CFTR: variants seen among roughly 807,000 people sequenced by gnomAD.
The protein encoded by CFTR is CF transmembrane conductance regulator.
Under a neutral mutation model 171.6 loss-of-function variants are expected in CFTR, and 181 were observed. The observed-to-expected ratio is 1.05, with a 90% CI of 0.93 to 1.19. The LOEUF is 1.19. Ranked by LOEUF, CFTR falls within the 50% of genes most tolerant of loss-of-function variation. The pLI is 0.00. For missense variants in CFTR, 1,968 were observed against 1,734.7 expected (o/e 1.13, Z -2.39); for synonymous variants, 583 against 608.0 (o/e 0.96, Z 0.60).
chr7:117,625,738 A>G (rs1348807460), intron 21 of CFTR, among the ~76,000 whole-genome samples: 1 of 152,176 alleles, frequency 6.6e-6, no homozygotes, highest in African/African-American at 2.4e-5. Context: ...GATAAATACA[A>G]TAAGATATTT....
chr7:117,589,497 A>G lies in CFTR; in HGVS notation c.1680-856A>G, dbSNP rs1156318245. On this transcript the variant is annotated intron_variant, in intron 12 of 26. Transcript: ENST00000003084. ...TAAGGTTACTATCAATCACACCTGA[A>G]AAATTTAAATGTTATGAAGAAATTA... 3.3e-5 allele frequency among the ~76,000 whole-genome samples: 5 copies of G among 152,166 alleles called. No individual in the cohort carries two copies. The East Asian group carries it at 9.6e-4, about 29-fold the overall frequency.
Position 117,644,376 on chromosome 7 carries a change from A to T in CFTR, c.3873+1783A>T, listed in dbSNP as rs565565411. ...CTTTTATTTTCCTAACTTTTCTTTG[A>T]AAGTTCAAATTAAGTAATTTTATCC... On this transcript the variant is annotated intron_variant, in intron 23 of 26. Coordinates refer to ENST00000003084, the MANE Select transcript of CFTR (RefSeq NM_000492.4). 5.3e-4 allele frequency among the ~76,000 whole-genome samples: 81 copies of T among 152,218 alleles called. 3 individuals are homozygous for T. The South Asian group carries it at 0.016, about 30-fold the overall frequency.
chr7:117,581,913 A>T (rs948388108), intron 11 of CFTR, among the ~76,000 whole-genome samples: 6 of 151,770 alleles, frequency 4.0e-5, no homozygotes, highest in Non-Finnish European at 8.8e-5. Context: ...GTGCCACCAT[A>T]CCTGGCTAAA....
rs1379518832 is a variant in CFTR at position 117,592,472 on chromosome 7, G to A, written c.2305G>A (p.Val769Ile). The change falls in exon 14 of 27, where the codon GTC (valine) becomes ATC (isoleucine). Residue 769 changes from valine to isoleucine, a missense_variant. Val to Ile is a conservative substitution (Grantham distance 29). Transcript: ENST00000003084. ...PTLQARRRQS[V>I]LNLMTHSVNQ... ...GCTTCAGGCACGAAGGAGGCAGTCT[G>A]TCCTGAACCTGATGACACACTCAGT... is the stretch of plus-strand genomic sequence containing the variant. 8.9e-6 allele frequency: 14 copies of A among 1,564,638 alleles called. No homozygotes were observed. Among genetic ancestry groups the A allele is most frequent in the Non-Finnish European group, 1.2e-5 (14 of 1,157,402 alleles).
chr7:117,603,415 C>A, intron 16 of CFTR, 117 bp from the exon 17 acceptor site: 1 of 1,113,712 alleles, frequency 9.0e-7, no homozygotes, highest in Non-Finnish European at 1.3e-6. Context: ...AGGGTGCATG[C>A]TCTTCTAATG....
chr7:117,491,241 A>C (rs966340994), intron 1 of CFTR, among the ~76,000 whole-genome samples: 1 of 152,190 alleles, frequency 6.6e-6, no homozygotes, highest in Non-Finnish European at 1.5e-5. Flanking sequence ...TAGTGATCTC[A>C]TGGGACCACC....
At chr7:117,622,874 T>A (rs569962248) in intron 21 of CFTR, among the ~76,000 whole-genome samples, 12 of 152,262 alleles carry the variant, frequency 7.9e-5, no homozygotes, top group Non-Finnish European at 1.3e-4. Context: ...ATGCATCCCT[T>A]ATAAAGTAAG....
In CFTR at chr7:117,620,096, T is replaced by TAATG. The variant is rs1792551905; in HGVS notation, c.3468+5384_3468+5387dup. ...TCAATTTTTTTTTTTGGTCTCCTTT[T>TAATG]AATGGTTTCTTGATCATGTCTATCC... is the stretch of plus-strand genomic sequence containing the variant. On this transcript the variant is annotated intron_variant, in intron 21 of 26. Transcript: ENST00000003084. Among the ~76,000 whole-genome samples the TAATG allele has an allele frequency of 2.0e-5, 3 of 152,232 alleles. No individual in the cohort carries two copies. The South Asian group carries it at 6.2e-4, about 32-fold the overall frequency.
chr7:117,586,607 G>C (rs1791937479), intron 11 of CFTR, among the ~76,000 whole-genome samples: 1 of 152,074 alleles, frequency 6.6e-6, no homozygotes, highest in Non-Finnish European at 1.5e-5. Context: ...TGGAACAAAT[G>C]AATAACAGAA....
intron 3 of CFTR, among the ~76,000 whole-genome samples, chr7:117,511,707 G>A (rs1437969591): frequency 1.3e-5 from 2 of 152,180 alleles, no homozygotes; most frequent in Non-Finnish European, 2.9e-5. Flanking sequence ...AAAAAACCAC[G>A]CTGACACCAT....
rs762849766 is a variant in CFTR at position 117,534,313 on chromosome 7, G to A, written c.527G>A (p.Ser176Asn). The change falls in exon 5 of 27, where the codon AGT becomes AAT. Residue 176 changes from serine (S) to asparagine (N), a missense_variant. Transcript: ENST00000003084. Reference sequence around the variant, plus strand: ...TCAAGCCGTGTTCTAGATAAAATAAGTATTGGACAACTTGTTAGTCTCCTT... The same window carrying A: ...TCAAGCCGTGTTCTAGATAAAATAAATATTGGACAACTTGTTAGTCTCCTT... ...KLSSRVLDKI[S>N]IGQLVSLLSN... 1.2e-6 allele frequency: 2 copies of A among 1,604,926 alleles called. No homozygotes were observed. The highest frequency in any genetic ancestry group is 1.3e-5 in the African/African-American group (1 of 74,812).
intron 1 of CFTR, among the ~76,000 whole-genome samples, chr7:117,480,893 A>G (rs548724044): frequency 6.6e-6 from 1 of 152,342 alleles, no homozygotes; most frequent in East Asian, 1.9e-4. Flanking sequence ...TCGGAATCTT[A>G]GGCAAAGTGT....
At chr7:117,617,485 T>C (rs368470611) in intron 21 of CFTR, among the ~76,000 whole-genome samples, 1 of 152,278 alleles carries the variant, frequency 6.6e-6, no homozygotes, top group East Asian at 1.9e-4. Flanking sequence ...TTATATTCCC[T>C]AAGATAGCTT....
At position 117,592,536 on chromosome 7, in the gene CFTR, C is replaced by T; in HGVS notation, c.2369C>T (p.Ser790Phe). Residue 790 changes from serine (S) to phenylalanine (F), a missense_variant, in exon 14 of 27, where the codon TCC becomes TTC. Physicochemically the swap from Ser to Phe is radical, Grantham distance 155. Transcript: ENST00000003084. ...GQNIHRKTTA[S>F]TRKVSLAPQA... ...AACATTCACCGAAAGACAACAGCAT[C>T]CACACGAAAAGTGTCACTGGCCCCT... 6.6e-7 allele frequency: 1 copy of T among 1,524,110 alleles called. No homozygotes were observed. The highest frequency in any genetic ancestry group is 8.8e-7 in the Non-Finnish European group (1 of 1,138,374). The allele number at this position is 1,524,110 out of a possible 1,614,324, so 94.4% of individuals were successfully genotyped here.
chr7:117,547,145 C>T (rs763719404), intron 9 of CFTR, among the ~76,000 whole-genome samples: 1 of 152,070 alleles, frequency 6.6e-6, no homozygotes, highest in Non-Finnish European at 1.5e-5. Flanking sequence ...TTGTTAGCTA[C>T]CCATATAATA....
intron 22 of CFTR, among the ~76,000 whole-genome samples, chr7:117,629,793 CTAATATT>C (rs1289452880): frequency 1.3e-5 from 2 of 152,160 alleles, no homozygotes; most frequent in Non-Finnish European, 2.9e-5. Context: ...AAGAGGGACT[CTAATATT>C]TATTGAGAGC....
chr7:117,494,177 C>G (rs1798203366), intron 1 of CFTR, among the ~76,000 whole-genome samples: 1 of 152,034 alleles, frequency 6.6e-6, no homozygotes, highest in Non-Finnish European at 1.5e-5. Flanking sequence ...TTTTTGAGGT[C>G]ACTTCTAGTC....
chr7:117,504,859 A>G (rs1345770151), intron 2 of CFTR, among the ~76,000 whole-genome samples: 1 of 152,080 alleles, frequency 6.6e-6, no homozygotes, highest in Non-Finnish European at 1.5e-5. Context: ...TTCCTAAGAA[A>G]TGATTTTTTT....
chr7:117,620,074 A>AT (rs3840654), intron 21 of CFTR, among the ~76,000 whole-genome samples: 67 of 149,580 alleles, frequency 4.5e-4, no homozygotes, highest in Admixed American at 1.1e-3. Context: ...CATTTCTTCA[A>AT]TTTTTTTTTT....
Sources: allele counts gnomAD v4.1 joint callset (sites outside exome capture counted in the v4.1 genomes callset), GRCh38; gene constraint gnomAD v4.1.1; transcripts MANE v1.5; gene names NCBI Gene and HGNC (gene_info 2026-07-23, HGNC 2026-07-21).